Variants in LYPD6B observed in about 807,000 individuals in gnomAD.
LYPD6B encodes LY6/PLAUR domain containing 6B.
In LYPD6B, 17 loss-of-function variants were observed where a neutral mutation model predicts 22.8. The ratio of observed to expected loss-of-function variants is 0.75; its 90% CI spans 0.51 to 1.12. The LOEUF (loss-of-function observed/expected upper bound fraction) is 1.12. Among genes scored for constraint, LYPD6B ranks in the 50% most tolerant of loss-of-function variants. The pLI is 0.00. For synonymous variants in LYPD6B, 106 were observed against 91.6 expected (o/e 1.16, Z -0.90); for missense variants, 221 against 258.3 (o/e 0.86, Z 0.99).
intron 3 of LYPD6B, among the ~76,000 whole-genome samples, chr2:149,163,442 C>G (rs1311318551): frequency 6.6e-6 from 1 of 152,158 alleles, no homozygotes; most frequent in Non-Finnish European, 1.5e-5. Flanking sequence ...AATCAACAAA[C>G]AGAAGAACAA....
At chr2:149,209,316 G>T (rs1693697604) in intron 5 of LYPD6B, among the ~76,000 whole-genome samples, 1 of 152,088 alleles carries the variant, frequency 6.6e-6, no homozygotes, top group African/African-American at 2.4e-5. Flanking sequence ...CTCATCTTCA[G>T]ACAGAAGATG....
chr2:149,183,575 A>G (rs148476824), intron 3 of LYPD6B, among the ~76,000 whole-genome samples: 5 of 152,200 alleles, frequency 3.3e-5, no homozygotes, highest in Non-Finnish European at 5.9e-5. Context: ...TTCCTTACCT[A>G]CTATAAGCTA....
At chr2:149,098,158 C>A (rs1564631) in intron 1 of LYPD6B, among the ~76,000 whole-genome samples, 34,045 of 151,830 alleles carry the variant, frequency 0.22, 4,604 homozygotes, top group East Asian at 0.5. Context: ...TTTCAGCACA[C>A]CTTTTTGAGC....
intron 1 of LYPD6B, among the ~76,000 whole-genome samples, chr2:149,051,912 C>T (rs1281362013): frequency 1.3e-5 from 2 of 151,930 alleles, no homozygotes; most frequent in South Asian, 4.2e-4. Flanking sequence ...GTGATCTGCC[C>T]GCCTAATCCC....
intron 1 of LYPD6B, among the ~76,000 whole-genome samples, chr2:149,072,785 G>C (rs988097021): frequency 1.3e-5 from 2 of 151,910 alleles, no homozygotes; most frequent in Non-Finnish European, 2.9e-5. Context: ...GATCTGCCCA[G>C]CTTGGTCTCC....
intron 1 of LYPD6B, among the ~76,000 whole-genome samples, chr2:149,053,406 G>A (rs1683652342): frequency 6.6e-6 from 1 of 152,072 alleles, no homozygotes; most frequent in Non-Finnish European, 1.5e-5. Flanking sequence ...TGCAGAGAAC[G>A]TGTTTACAGC....
In LYPD6B at chr2:149,213,128, G is replaced by A. The variant is rs1453668423; in HGVS notation, c.459+6G>A. The A allele has an allele frequency of 6.2e-7, 1 of 1,607,908 alleles. No individual in the cohort carries two copies. The highest frequency in any genetic ancestry group is 1.4e-5 in the African/African-American group (1 of 73,928). The stretch of plus-strand genomic sequence containing the variant: ...GCCGAGATTCTGAACATACGGTAAG[G>A]ATCGTGTGTGTGTGTTATTGTCTAA... On this transcript the variant is annotated splice_donor_region_variant and intron_variant, in intron 6 of 6. Coordinates refer to ENST00000409642, the MANE Select transcript of LYPD6B (RefSeq NM_177964.5).
At chr2:149,168,266 G>A (rs1055113316) in intron 3 of LYPD6B, among the ~76,000 whole-genome samples, 6 of 151,204 alleles carry the variant, frequency 4.0e-5, no homozygotes, top group Admixed American at 1.3e-4. Context: ...TCCTGGTGAG[G>A]AAGAGGAGCT....
At chr2:149,210,537 C>T (rs145219970) in intron 5 of LYPD6B, among the ~76,000 whole-genome samples, 21 of 152,304 alleles carry the variant, frequency 1.4e-4, no homozygotes, top group South Asian at 6.2e-4. Context: ...AACCATTTCT[C>T]GGGGCAAATA....
At chr2:149,194,221 C>T (rs1692662100) in intron 3 of LYPD6B, among the ~76,000 whole-genome samples, 1 of 152,170 alleles carries the variant, frequency 6.6e-6, no homozygotes, top group African/African-American at 2.4e-5. Flanking sequence ...TTTCCTATAA[C>T]TTAATGGATC....
chr2:149,183,283 T>C (rs144644875), intron 3 of LYPD6B, among the ~76,000 whole-genome samples: 18 of 152,360 alleles, frequency 1.2e-4, no homozygotes, highest in African/African-American at 3.8e-4. Flanking sequence ...AGTAGGAGAT[T>C]GCCCAATTCC....
rs917382148 is a variant in LYPD6B, at chr2:149,068,560, C to T, written c.-67+29759C>T. 1.6e-5 allele frequency: 5 copies of T among 306,774 alleles called. 1 individual carries two copies. The highest frequency in any genetic ancestry group is 3.5e-5 in the South Asian group (1 of 28,870). The allele number at this position is 306,774 out of a possible 1,614,324, so 19.0% of individuals were successfully genotyped here. A position where few individuals can be genotyped will look rare whatever the true frequency, so the allele number is the denominator to read the frequency against. Reference sequence around the variant, plus strand: ...TAAAAAATTACAAATTTTAAATAGCCAATGGTTGGTTATGTTTTCAGAAAA... The same window carrying T: ...TAAAAAATTACAAATTTTAAATAGCTAATGGTTGGTTATGTTTTCAGAAAA... On this transcript the variant is annotated intron_variant, in intron 1 of 6. Coordinates refer to ENST00000409642, the MANE Select transcript of LYPD6B (RefSeq NM_177964.5).
chr2:149,121,596 C>T (rs999326379), intron 1 of LYPD6B, among the ~76,000 whole-genome samples: 4 of 152,164 alleles, frequency 2.6e-5, no homozygotes, highest in African/African-American at 9.7e-5. Flanking sequence ...AAAGTCATGT[C>T]CAGCTCTGGG....
chr2:149,045,896 A>G (rs1048481038), intron 1 of LYPD6B, among the ~76,000 whole-genome samples: 1 of 152,176 alleles, frequency 6.6e-6, no homozygotes, highest in Non-Finnish European at 1.5e-5. Context: ...AGAAATATCA[A>G]TTAGGTCAAG....
At chr2:149,059,087 G>A (rs1683945729) in intron 1 of LYPD6B, among the ~76,000 whole-genome samples, 1 of 152,246 alleles carries the variant, frequency 6.6e-6, no homozygotes, top group Non-Finnish European at 1.5e-5. Flanking sequence ...CTGTCTCTTT[G>A]AGGGAAGCCT....
chr2:149,038,861 G>C (rs1326165471), intron 1 of LYPD6B, 60 bp downstream of exon 1: 2 of 150,354 alleles, frequency 1.3e-5, no homozygotes, highest in Non-Finnish European at 3.0e-5. Flanking sequence ...CTCACCCCGC[G>C]CCGGAGCGAG....
chr2:149,100,762 AC>A (rs1171963113), intron 1 of LYPD6B, among the ~76,000 whole-genome samples: 1 of 152,228 alleles, frequency 6.6e-6, no homozygotes, highest in Non-Finnish European at 1.5e-5. Flanking sequence ...AAAAGGCTAA[AC>A]AAATTCACCT....
intron 1 of LYPD6B, among the ~76,000 whole-genome samples, chr2:149,082,834 G>A (rs568824358): frequency 6.6e-6 from 1 of 152,296 alleles, no homozygotes; most frequent in South Asian, 2.1e-4. Context: ...TAGTAAGGCA[G>A]CTGGAAAAGC....
intron 1 of LYPD6B, among the ~76,000 whole-genome samples, chr2:149,125,735 T>C (rs900388): frequency 0.84 from 127,830 of 152,188 alleles, 53,860 homozygotes; most frequent in East Asian, 0.91. Flanking sequence ...CCTTTTACCA[T>C]CACAGTGTAA....
Sources: allele counts gnomAD v4.1 joint callset (sites outside exome capture counted in the v4.1 genomes callset), GRCh38; gene constraint gnomAD v4.1.1; transcripts MANE v1.5; gene names NCBI Gene and HGNC (gene_info 2026-07-23, HGNC 2026-07-21).